The following PCDHGB1 variants were observed in gnomAD, a reference collection of about 807,000 sequenced individuals.
The protein encoded by PCDHGB1 is protocadherin gamma subfamily B, 1.
Under a neutral mutation model 56.6 loss-of-function variants are expected in PCDHGB1, and 34 were observed. The ratio of observed to expected loss-of-function variants is 0.60; its 90% CI spans 0.46 to 0.80. The LOEUF is 0.80. Among genes scored for constraint, PCDHGB1 ranks in the 30% least tolerant of loss-of-function variants. The pLI is 0.00. For synonymous variants in PCDHGB1, 561 were observed against 505.9 expected (o/e 1.11, Z -1.46); for missense variants, 1,278 against 1,204.6 (o/e 1.06, Z -0.90).
rs1383090266 is a variant in PCDHGB1, at chr5:141,388,828, T to C, written c.2409+36159T>C. 6.2e-7 allele frequency: 1 copy of C among 1,613,894 alleles called. No homozygotes were observed. Among genetic ancestry groups the C allele is most frequent in the South Asian group, 1.1e-5 (1 of 91,070 alleles). ...TTTGAAGAAGTCAAAGAATATTCCA[T>C]AGTTTTGGAAGCAAGGGACGGTGGA... On this transcript the variant is annotated intron_variant, in intron 1 of 3. Coordinates refer to ENST00000523390, the MANE Select transcript of PCDHGB1 (RefSeq NM_018922.3).
In PCDHGB1 at chr5:141,400,641, G is replaced by C. The variant is rs1427284697; in HGVS notation, c.2409+47972G>C. On this transcript the variant is annotated intron_variant, in intron 1 of 3. Coordinates refer to ENST00000523390, the MANE Select transcript of PCDHGB1 (RefSeq NM_018922.3). ...GTCTTAGGGAAGTCAGAGCTGCTCA[G>C]AAAGCTGTCCTACCATTCTTTAAGA... The C allele has an allele frequency of 9.3e-6, 12 of 1,288,952 alleles. No homozygotes were observed. The East Asian group carries it at 2.8e-4, about 30-fold the overall frequency. 79.8% of individuals were successfully genotyped at this position (1,288,952 alleles called of 1,614,324 possible). A position where few individuals can be genotyped will look rare whatever the true frequency, so the allele number is the denominator to read the frequency against.
rs1472816403 is a variant in PCDHGB1 at position 141,451,473 on chromosome 5, C to T, written c.2410-43334C>T. On this transcript the variant is annotated intron_variant, in intron 1 of 3. Transcript: ENST00000523390. ...TGTTAGCTTGAGGTCTACCTCAGTTCCTTGCCATGTGGACCTCCATAGGGC... is the reference window on the plus strand; with the variant it reads ...TGTTAGCTTGAGGTCTACCTCAGTTTCTTGCCATGTGGACCTCCATAGGGC... Among the ~76,000 whole-genome samples the T allele has an allele frequency of 2.0e-5, 3 of 152,218 alleles. No homozygotes were observed. In the East Asian group the frequency reaches 5.8e-4, roughly 29 times the overall value.
At chr5:141,441,635 G>T in intron 1 of PCDHGB1, 1 of 226,720 alleles carries the variant, frequency 4.4e-6, no homozygotes, top group Non-Finnish European at 8.9e-6. Flanking sequence ...TGGAGCCACA[G>T]GCGCTGTGAT....
In PCDHGB1 at chr5:141,372,908, T is replaced by A. The variant is rs1769157545; in HGVS notation, c.2409+20239T>A. The A allele has an allele frequency of 7.4e-6, 8 of 1,075,948 alleles. No individual in the cohort carries two copies. In the East Asian group the frequency reaches 2.1e-4, roughly 28 times the overall value. The allele number at this position is 1,075,948 out of a possible 1,614,324, so 66.7% of individuals were successfully genotyped here. ...ACAGATTAAATATTCCCTGATTACA[T>A]TATTTTATTGATTTTCTGGTGTAGA... On this transcript the variant is annotated intron_variant, in intron 1 of 3. Transcript: ENST00000523390.
intron 1 of PCDHGB1, chr5:141,400,262 G>A: frequency 6.2e-7 from 1 of 1,614,032 alleles, no homozygotes; most frequent in Non-Finnish European, 8.5e-7. Flanking sequence ...TTGCGCCTGC[G>A]ACGCTCCTCC....
At chr5:141,360,116 G>C (rs1286160130) in intron 1 of PCDHGB1, 1 of 1,570,542 alleles carries the variant, frequency 6.4e-7, no homozygotes, top group Non-Finnish European at 8.6e-7. Flanking sequence ...TATGGGCAAA[G>C]GAGCAAAGGG....
At chr5:141,462,152 G>C (rs1336635196) in intron 1 of PCDHGB1, among the ~76,000 whole-genome samples, 6 of 152,034 alleles carry the variant, frequency 3.9e-5, no homozygotes, top group African/African-American at 7.2e-5. Flanking sequence ...TAGAGATGGG[G>C]TTTCATCATG....
Position 141,485,138 on chromosome 5 carries a change from T to A in PCDHGB1, c.2410-9669T>A, listed in dbSNP as rs374309554. On this transcript the variant is annotated intron_variant, in intron 1 of 3. Coordinates refer to ENST00000523390, the MANE Select transcript of PCDHGB1 (RefSeq NM_018922.3). This position sits in a 1 kb window ranked among gnomAD's most constrained non-coding sequence, Gnocchi z 5.7. ...TTGGGGCGGGTCGGCTTCATCCGCG[T>A]CTCAGGAGCAAGTAGAGAATTAGCG... is the stretch of plus-strand genomic sequence containing the variant. 17 of 1,528,690 alleles carry A rather than the reference T, an allele frequency of 1.1e-5. No individual in the cohort carries two copies. The highest frequency in any genetic ancestry group is 1.3e-5 in the Non-Finnish European group (14 of 1,109,458). 94.7% of individuals were successfully genotyped at this position (1,528,690 alleles called of 1,614,324 possible).
At chr5:141,425,918 CG>C (rs2096903264) in intron 1 of PCDHGB1, among the ~76,000 whole-genome samples, 1 of 152,200 alleles carries the variant, frequency 6.6e-6, no homozygotes, top group Admixed American at 6.5e-5. Context: ...ACAGTCACTA[CG>C]AAAACTCATA....
chr5:141,389,742 C>T (rs1477462199), intron 1 of PCDHGB1: 2 of 1,612,602 alleles, frequency 1.2e-6, no homozygotes, highest in Non-Finnish European at 1.7e-6. Context: ...CCTGGGGCTG[C>T]GCACGGGCGA....
chr5:141,399,546 G>T, intron 1 of PCDHGB1: 1 of 1,614,032 alleles, frequency 6.2e-7, no homozygotes. Flanking sequence ...TCTGCGCCTC[G>T]GACCTGGACT....
chr5:141,418,095 C>T, intron 1 of PCDHGB1: 1 of 1,614,006 alleles, frequency 6.2e-7, no homozygotes, highest in Non-Finnish European at 8.5e-7. Context: ...AGCGTAGACG[C>T]GCAGAGCGGG....
chr5:141,510,400 TA>T (rs780031896), intron 3 of PCDHGB1, among the ~76,000 whole-genome samples: 12 of 151,920 alleles, frequency 7.9e-5, no homozygotes, highest in Non-Finnish European at 1.3e-4. Flanking sequence ...TGGCAAAGGC[TA>T]GGGGCATGTA....
intron 1 of PCDHGB1, chr5:141,421,544 A>G (rs2096582597): frequency 6.2e-7 from 1 of 1,613,912 alleles, no homozygotes; most frequent in African/African-American, 1.3e-5. Context: ...TGTTTTTTAA[A>G]TATGGAACTT....
chr5:141,384,595 G>A, intron 1 of PCDHGB1: 1 of 1,614,198 alleles, frequency 6.2e-7, no homozygotes, highest in Non-Finnish European at 8.5e-7. Flanking sequence ...CCTGTACCCG[G>A]CCCTCCCCAC....
intron 1 of PCDHGB1, among the ~76,000 whole-genome samples, chr5:141,466,035 C>T (rs10054619): frequency 0.28 from 42,092 of 151,762 alleles, 6,545 homozygotes; most frequent in African/African-American, 0.42. Flanking sequence ...GGCAGGAGAA[C>T]GGCATGAACC....
chr5:141,366,737 G>GAAC, intron 1 of PCDHGB1: 2 of 1,612,444 alleles, frequency 1.2e-6, no homozygotes, highest in Non-Finnish European at 1.7e-6. Context: ...AAACAAAGAA[G>GAAC]AACGGCGAGT....
intron 1 of PCDHGB1, among the ~76,000 whole-genome samples, chr5:141,494,100 G>T (rs559145191): frequency 6.6e-6 from 1 of 152,152 alleles, no homozygotes; most frequent in Non-Finnish European, 1.5e-5. Flanking sequence ...ATTTTTCTCC[G>T]TCTCAGACAG....
intron 1 of PCDHGB1, among the ~76,000 whole-genome samples, chr5:141,481,593 G>A (rs575017133): frequency 1.3e-5 from 2 of 152,172 alleles, no homozygotes; most frequent in African/African-American, 2.4e-5. Context: ...TGAGGCCAGC[G>A]GATCACCTGA....
Sources: allele counts gnomAD v4.1 joint callset (sites outside exome capture counted in the v4.1 genomes callset), GRCh38; gene constraint gnomAD v4.1.1; non-coding constraint Gnocchi (gnomAD v3.1); transcripts MANE v1.5; gene names NCBI Gene and HGNC (gene_info 2026-07-23, HGNC 2026-07-21).